The following KIAA1549L variants were observed in gnomAD, a reference collection of about 807,000 sequenced individuals.
KIAA1549L encodes KIAA1549 like.
Under a neutral mutation model 160.7 loss-of-function variants are expected in KIAA1549L, and 88 were observed. The observed-to-expected ratio is 0.55, with a 90% CI of 0.46 to 0.65. The LOEUF is 0.65. Ranked by LOEUF, KIAA1549L falls within the 30% of genes least tolerant of loss-of-function variation. The pLI is 0.00. For synonymous variants in KIAA1549L, 950 were observed against 976.7 expected, an observed-to-expected ratio of 0.97 and a Z score of 0.51; for missense variants, 2,258 against 2,437.5, an observed-to-expected ratio of 0.93 and a Z score of 1.55.
chr11:33,652,355 C>A (rs2133422852), intron 17 of KIAA1549L, among the ~76,000 whole-genome samples: 1 of 152,310 alleles, frequency 6.6e-6, no homozygotes, highest in Admixed American at 6.5e-5. Flanking sequence ...GTGGCACAGG[C>A]TGCCCCCTCT....
At chr11:33,477,522 C>T (rs1245256104) in intron 1 of KIAA1549L, among the ~76,000 whole-genome samples, 3 of 147,142 alleles carry the variant, frequency 2.0e-5, no homozygotes, top group Admixed American at 2.0e-4. Context: ...CACACACAAA[C>T]ACACACACAC....
At chr11:33,444,991 A>G (rs1851582450) in intron 1 of KIAA1549L, among the ~76,000 whole-genome samples, 1 of 152,170 alleles carries the variant, frequency 6.6e-6, no homozygotes, top group African/African-American at 2.4e-5. Flanking sequence ...TCTACAGTAA[A>G]TGGAGGAAGA....
At chr11:33,428,908 C>G (rs144711298) in intron 1 of KIAA1549L, among the ~76,000 whole-genome samples, 17 of 152,334 alleles carry the variant, frequency 1.1e-4, no homozygotes, top group African/African-American at 3.8e-4. Context: ...CTAGTTTACA[C>G]TCCCACCAAC....
rs574175943 is a variant in KIAA1549L, at chr11:33,435,479, T to TTA, written c.238+58593_238+58594dup. Among the ~76,000 whole-genome samples the TTA allele has an allele frequency of 3.7e-3, 556 of 152,106 alleles. 3 individuals carry two copies. The highest frequency in any genetic ancestry group is 6.1e-3 in the Non-Finnish European group (413 of 67,976). On this transcript the variant is annotated intron_variant, in intron 1 of 20. Transcript: ENST00000658780. Reference sequence around the variant, plus strand: ...ACAGTCTCTGTAAATCACACATGTATTATAGTAGGGAAAATGAAGAGACTT... The same window carrying TTA: ...ACAGTCTCTGTAAATCACACATGTATTATATAGTAGGGAAAATGAAGAGACTT...
At chr11:33,463,866 G>A (rs1054440806) in intron 1 of KIAA1549L, among the ~76,000 whole-genome samples, 2 of 152,150 alleles carry the variant, frequency 1.3e-5, no homozygotes, top group Non-Finnish European at 2.9e-5. Context: ...TTTCCACTTT[G>A]CCTTAGGTGC....
At chr11:33,465,763 G>T (rs1286023725) in intron 1 of KIAA1549L, among the ~76,000 whole-genome samples, 1 of 152,102 alleles carries the variant, frequency 6.6e-6, no homozygotes, top group African/African-American at 2.4e-5. Context: ...CTATTTAATA[G>T]ATTGTGCCGG....
At chr11:33,402,343 C>A (rs1850519891) in intron 1 of KIAA1549L, among the ~76,000 whole-genome samples, 3 of 152,184 alleles carry the variant, frequency 2.0e-5, no homozygotes, top group Admixed American at 6.5e-5. Flanking sequence ...AGTTCTGTCT[C>A]CTTAATGTTT....
chr11:33,666,566 G>T (rs1852462366), intron 20 of KIAA1549L, among the ~76,000 whole-genome samples: 1 of 152,104 alleles, frequency 6.6e-6, no homozygotes. Context: ...ACATCATGGG[G>T]TATGTGGACT....
At chr11:33,645,073 T>C (rs1168638714) in intron 16 of KIAA1549L, among the ~76,000 whole-genome samples, 1 of 152,230 alleles carries the variant, frequency 6.6e-6, no homozygotes, top group Non-Finnish European at 1.5e-5. Context: ...TCTAGATCAG[T>C]AGATTTCAAA....
At chr11:33,618,693 GCTTT>G in intron 16 of KIAA1549L, 31 bp downstream of exon 16, 1 of 1,524,952 alleles carries the variant, frequency 6.6e-7, no homozygotes, top group Non-Finnish European at 8.9e-7. Context: ...GTAAATACAA[GCTTT>G]CCTTTCCCCT....
At chr11:33,397,292 C>A (rs1364089113) in intron 1 of KIAA1549L, among the ~76,000 whole-genome samples, 1 of 143,544 alleles carries the variant, frequency 7.0e-6, no homozygotes, top group Middle Eastern at 4.5e-3. Context: ...TGGGGTTGTG[C>A]CATTGCACTC....
intron 1 of KIAA1549L, among the ~76,000 whole-genome samples, chr11:33,520,640 T>C (rs1212915137): frequency 6.8e-6 from 1 of 146,270 alleles, no homozygotes; most frequent in East Asian, 2.0e-4. Flanking sequence ...GGATTATCCA[T>C]TAGACCCAGA....
At chr11:33,408,975 G>T (rs1303635724) in intron 1 of KIAA1549L, among the ~76,000 whole-genome samples, 6 of 128,808 alleles carry the variant, frequency 4.7e-5, no homozygotes, top group Admixed American at 8.0e-5. Context: ...AAAAAAATTA[G>T]GTATCCTTAA....
At chr11:33,631,922 G>A (rs375278609) in intron 16 of KIAA1549L, among the ~76,000 whole-genome samples, 55 of 152,180 alleles carry the variant, frequency 3.6e-4, no homozygotes, top group Admixed American at 1.0e-3. Context: ...ACAAACAAGT[G>A]TGTCAAACAG....
chr11:33,636,920 G>A (rs977708455), intron 16 of KIAA1549L, among the ~76,000 whole-genome samples: 3 of 152,124 alleles, frequency 2.0e-5, no homozygotes, highest in African/African-American at 7.2e-5. Flanking sequence ...CACAGTGTCG[G>A]GAAGGCTATG....
chr11:33,628,453 A>G (rs1265174540), intron 16 of KIAA1549L, among the ~76,000 whole-genome samples: 4 of 151,172 alleles, frequency 2.6e-5, no homozygotes, highest in Non-Finnish European at 5.9e-5. Context: ...GACTTGCTTT[A>G]TGAATCTGGG....
intron 16 of KIAA1549L, among the ~76,000 whole-genome samples, chr11:33,643,627 G>A (rs988062736): frequency 6.6e-6 from 1 of 152,142 alleles, no homozygotes; most frequent in African/African-American, 2.4e-5. Context: ...GCATGAACAG[G>A]ACATTTACAT....
At chr11:33,381,749 A>G (rs983873597) in intron 1 of KIAA1549L, among the ~76,000 whole-genome samples, 17 of 152,228 alleles carry the variant, frequency 1.1e-4, no homozygotes, top group African/African-American at 7.2e-5. Context: ...ATTGAAATCA[A>G]TCTGCAGATG....
chr11:33,648,590 C>A, intron 17 of KIAA1549L, among the ~76,000 whole-genome samples: 1 of 151,440 alleles, frequency 6.6e-6, no homozygotes. Flanking sequence ...ATACACTAGG[C>A]CAGGCTAATG....
Sources: gnomAD v4.1 joint callset for allele counts (sites outside exome capture counted in the v4.1 genomes callset) on GRCh38, gnomAD v4.1.1 for gene constraint, MANE v1.5 for transcripts, NCBI Gene and HGNC (gene_info 2026-07-23, HGNC 2026-07-21) for gene names.